ULK1: variants seen among roughly 807,000 people sequenced by gnomAD.
ULK1 encodes serine/threonine-protein kinase ULK1.
In ULK1, 48 loss-of-function variants were observed where a neutral mutation model predicts 117.5. That is an observed-to-expected ratio of 0.41 (90% CI 0.32 to 0.52). The LOEUF (loss-of-function observed/expected upper bound fraction) is 0.52. ULK1 is among the 20% of genes least tolerant of loss of function. The pLI, the probability that ULK1 is intolerant of heterozygous loss-of-function variation, is 0.29. For synonymous variants in ULK1, 790 were observed against 637.8 expected (o/e 1.24, Z -3.60); for missense variants, 1,387 against 1,473.4 (o/e 0.94, Z 0.96).
chr12:131,908,667 AC>A lies in ULK1; in HGVS notation c.342del (p.Ile115SerfsTer25). The A allele has an allele frequency of 6.4e-7, 1 of 1,562,672 alleles. No individual in the cohort carries two copies. The highest frequency in any genetic ancestry group is 8.6e-7 in the Non-Finnish European group (1 of 1,159,034). ...AGCCATGCGCACGCTGAGCGAGGACACCATCAGGCTCTTCCTGCAGCAGATC... is the reference window on the plus strand; with the variant it reads ...AGCCATGCGCACGCTGAGCGAGGACACATCAGGCTCTTCCTGCAGCAGATC... ...LHAMRTLSED[T>X]IRLFLQQIAG... On this transcript the variant is annotated frameshift_variant, in exon 6 of 28. Coordinates refer to ENST00000321867, the MANE Select transcript of ULK1 (RefSeq NM_003565.4). LOFTEE classifies it high-confidence loss of function.
rs768265590 is a variant in ULK1 at position 131,916,998 on chromosome 12, G to A, written c.2118G>A (p.Ala706=). Residue 706 remains alanine, a synonymous_variant, in exon 21 of 28, where the codon GCG becomes GCA. Coordinates refer to ENST00000321867, the MANE Select transcript of ULK1 (RefSeq NM_003565.4). ...SRLTDLLLKA[A]FGTQAPDPGS... is the part of the protein sequence containing the mutation. ...TCACTGACCTGCTCCTTAAGGCGGC[G>A]TTTGGGACACAAGCCCCGGACCCGG... 31 of 1,607,120 alleles carry A rather than the reference G, an allele frequency of 1.9e-5. No individual in the cohort carries two copies. The East Asian group carries it at 4.3e-4, about 22-fold the overall frequency.
chr12:131,909,263 A>G, intron 8 of ULK1, 26 bp downstream of exon 8: 1 of 1,544,630 alleles, frequency 6.5e-7, no homozygotes, highest in Non-Finnish European at 8.7e-7. Context: ...CCTGCTCCCC[A>G]CGCCGCACCG....
chr12:131,911,071 G>A (rs774241521), intron 12 of ULK1, among the ~76,000 whole-genome samples: 1 of 152,166 alleles, frequency 6.6e-6, no homozygotes, highest in Admixed American at 6.5e-5. Flanking sequence ...CAGAAGCAGC[G>A]TGTGGCCTTG....
In ULK1 at chr12:131,922,398, A is replaced by G. The variant is rs1421010034; in HGVS notation, c.*1037A>G. The G allele has an allele frequency of 4.6e-6, 1 of 218,372 alleles. No homozygotes were observed. Among genetic ancestry groups the G allele is most frequent in the Non-Finnish European group, 9.5e-6 (1 of 105,260 alleles). The allele number at this position is 218,372 out of a possible 1,614,324, so 13.5% of individuals were successfully genotyped here. A position where few individuals can be genotyped will look rare whatever the true frequency, so the allele number is the denominator to read the frequency against. On this transcript the variant is annotated 3_prime_UTR_variant, in exon 28 of 28. Coordinates refer to ENST00000321867, the MANE Select transcript of ULK1 (RefSeq NM_003565.4). ...CTGGGCCTGGAAGCAGATGAGGGGA[A>G]TACTTCATGCAAAGAAAAAAGTAAC...
chr12:131,899,415 C>T (rs1342549976), intron 3 of ULK1, among the ~76,000 whole-genome samples: 1 of 151,632 alleles, frequency 6.6e-6, no homozygotes, highest in Non-Finnish European at 1.5e-5. Context: ...CTAGAACTCC[C>T]GACCTCAGGT....
intron 5 of ULK1, 127 bp downstream of exon 5, chr12:131,907,658 C>G (rs1411763720): frequency 8.3e-7 from 1 of 1,203,684 alleles, no homozygotes; most frequent in Non-Finnish European, 1.1e-6. Context: ...GAGATTGGCT[C>G]TTTCTTGTCC....
At chr12:131,917,603 C>T (rs1446789611) in intron 22 of ULK1, 49 bp downstream of exon 22, 5 of 1,332,874 alleles carry the variant, frequency 3.8e-6, no homozygotes, top group South Asian at 2.3e-5. Flanking sequence ...GTGGTGGCAG[C>T]GCCCTAGCGG....
At chr12:131,899,755 G>A (rs925232877) in intron 3 of ULK1, among the ~76,000 whole-genome samples, 1 of 152,192 alleles carries the variant, frequency 6.6e-6, no homozygotes. Flanking sequence ...CCATTTGCTG[G>A]ATCCTAGCTC....
chr12:131,917,373 G>C (rs1889898818), intron 21 of ULK1, 38 bp from the exon 22 acceptor site: 2 of 1,319,620 alleles, frequency 1.5e-6, no homozygotes, highest in South Asian at 3.4e-5. Context: ...GGGTCGGCGG[G>C]AGTCAGGATG....
rs765045995 is a variant in ULK1 at position 131,919,519 on chromosome 12, C to G, written c.2732C>G (p.Ser911Cys). 2.0e-5 allele frequency: 32 copies of G among 1,612,062 alleles called. No individual in the cohort carries two copies. In the South Asian group the frequency reaches 3.3e-4, roughly 17 times the overall value. ...VLYLKVAELL[S>C]SGLQSAIDQI... is the part of the protein sequence containing the mutation. ...TACCTGAAGGTGGCCGAGCTACTGT[C>G]CTCCGGCCTGCAAAGTGCCATCGAC... Residue 911 changes from serine (S) to cysteine (C), a missense_variant, in exon 25 of 28, where the codon TCC becomes TGC. Ser to Cys is a moderately radical substitution (Grantham distance 112). Transcript: ENST00000321867.
Position 131,916,983 on chromosome 12 carries a change from G to C in ULK1, c.2103G>C (p.Leu701=), listed in dbSNP as rs999186436. The change falls in exon 21 of 28, where the codon CTG becomes CTC. Residue 701 remains leucine, a synonymous_variant. Coordinates refer to ENST00000321867, the MANE Select transcript of ULK1 (RefSeq NM_003565.4). ...TCAGCACCAGCCGCCTCACTGACCT[G>C]CTCCTTAAGGCGGCGTTTGGGACAC... ...RSFSTSRLTD[L]LLKAAFGTQA... The C allele has an allele frequency of 4.3e-6, 7 of 1,611,944 alleles. No homozygotes were observed. The highest frequency in any genetic ancestry group is 5.9e-6 in the Non-Finnish European group (7 of 1,179,706).
rs1474175082 is a variant in ULK1, at chr12:131,894,858, C to T, written c.-144C>T. The T allele has an allele frequency of 2.8e-5, 5 of 175,602 alleles. No individual in the cohort carries two copies. The highest frequency in any genetic ancestry group is 1.7e-4 in the South Asian group (1 of 5,806). 10.9% of individuals were successfully genotyped at this position (175,602 alleles called of 1,614,324 possible). ...CGGCCCCGGCCTGCCCGATGGGGCG[C>T]GCGGCCCCGGAGATGCGCCCTCGCC... On this transcript the variant is annotated 5_prime_UTR_variant, in exon 1 of 28. Coordinates refer to ENST00000321867, the MANE Select transcript of ULK1 (RefSeq NM_003565.4).
At chr12:131,916,909 T>TG (rs1404894417) in intron 20 of ULK1, 44 bp from the exon 21 acceptor site, 3 of 1,341,090 alleles carry the variant, frequency 2.2e-6, no homozygotes, top group Non-Finnish European at 3.0e-6. Context: ...CCAGTTAGGG[T>TG]GGGGTGGGCC....
intron 12 of ULK1, among the ~76,000 whole-genome samples, chr12:131,911,461 G>A (rs1019050277): frequency 3.9e-5 from 6 of 152,212 alleles, no homozygotes; most frequent in African/African-American, 1.4e-4. Flanking sequence ...GACCTGCCCT[G>A]GGGCACTTGG....
chr12:131,918,425 G>T (rs1889957180), intron 22 of ULK1, 72 bp from the exon 23 acceptor site: 1 of 1,511,456 alleles, frequency 6.6e-7, no homozygotes, highest in East Asian at 2.5e-5. Flanking sequence ...AGGTGTGGGA[G>T]TCTGTGGGGG....
rs531249832 is a variant in ULK1, at chr12:131,909,653, G to A, written c.667-122G>A. The A allele has an allele frequency of 4.6e-4, 486 of 1,058,442 alleles. 2 individuals are homozygous for A. Among genetic ancestry groups the A allele is most frequent in the Non-Finnish European group, 5.6e-4 (428 of 758,296 alleles). 65.6% of individuals were successfully genotyped at this position (1,058,442 alleles called of 1,614,324 possible). A position where few individuals can be genotyped will look rare whatever the true frequency, so the allele number is the denominator to read the frequency against. ...GCAGCAAACAGCCGCGCTAGCACCC[G>A]GTTTCCCCCGGGCTTCGCAGCGTCT... On this transcript the variant is annotated intron_variant, in intron 8 of 27. Coordinates refer to ENST00000321867, the MANE Select transcript of ULK1 (RefSeq NM_003565.4).
chr12:131,901,482 G>A (rs1165242745), intron 3 of ULK1, among the ~76,000 whole-genome samples: 2 of 152,160 alleles, frequency 1.3e-5, no homozygotes, highest in Non-Finnish European at 2.9e-5. Context: ...CCCGCGTCCC[G>A]GGCCGCTCTC....
chr12:131,904,621 G>C (rs916644861), intron 3 of ULK1, among the ~76,000 whole-genome samples: 1 of 152,182 alleles, frequency 6.6e-6, no homozygotes, highest in African/African-American at 2.4e-5. Context: ...GCACACATGG[G>C]TGTTCCCCCA....
chr12:131,907,856 C>T (rs1889337603), intron 5 of ULK1, among the ~76,000 whole-genome samples: 1 of 145,988 alleles, frequency 6.8e-6, no homozygotes, highest in South Asian at 2.2e-4. Context: ...TTGGCCCACC[C>T]AAAGTTGAGC....
Sources: allele counts gnomAD v4.1 joint callset (sites outside exome capture counted in the v4.1 genomes callset), GRCh38; gene constraint gnomAD v4.1.1; transcripts MANE v1.5; gene names NCBI Gene and HGNC (gene_info 2026-07-23, HGNC 2026-07-21).